The following ST3GAL1 variants were observed in gnomAD, a reference collection of about 807,000 sequenced individuals.
ST3GAL1 encodes CMP-N-acetylneuraminate-beta-galactosamide-alpha-2,3-sialyltransferase 1.
In ST3GAL1, 16 loss-of-function variants were observed where a neutral mutation model predicts 34.1. The ratio of observed to expected loss-of-function variants is 0.47; its 90% confidence interval spans 0.32 to 0.71. ST3GAL1 has a LOEUF of 0.71. Ranked by LOEUF, ST3GAL1 falls within the 30% of genes least tolerant of loss-of-function variation. The probability of loss-of-function intolerance (pLI) is 0.04; values close to 1 mark genes in which losing one functional copy is unlikely to be tolerated. For synonymous variants in ST3GAL1, 191 were observed against 184.7 expected (o/e 1.03, Z -0.28); for missense variants, 353 against 447.4 (o/e 0.79, Z 1.90).
At chr8:133,565,830 T>TGGGCCA (rs141037124) in intron 1 of ST3GAL1, among the ~76,000 whole-genome samples, 2 of 152,176 alleles carry the variant, frequency 1.3e-5, no homozygotes, top group African/African-American at 4.8e-5. Flanking sequence ...CCGGAGCAGA[T>TGGGCCA]GGGCCAGGGC....
chr8:133,509,426 G>C (rs1817441100), intron 2 of ST3GAL1, among the ~76,000 whole-genome samples: 1 of 152,218 alleles, frequency 6.6e-6, no homozygotes, highest in Non-Finnish European at 1.5e-5. Context: ...GTTAGCTATG[G>C]AGCCTCTCTA....
Position 133,551,560 on chromosome 8 carries a change from A to C in ST3GAL1, c.-581-5634T>G, listed in dbSNP as rs566750064. On this transcript the variant is annotated intron_variant, in intron 1 of 9. Transcript: ENST00000522652. ...AGAGAAGGAAAGAAAGAAAGAAAGA[A>C]AGAAAGAAAGAAAGAAAGAAAGAAA... Among the ~76,000 whole-genome samples the C allele has an allele frequency of 2.5e-3, 349 of 139,994 alleles. 2 individuals are homozygous for C. The highest frequency in any genetic ancestry group is 9.3e-3 in the African/African-American group (334 of 36,060). 91.8% of individuals were successfully genotyped at this position (139,994 alleles called of 152,430 possible).
chr8:133,483,447 A>C (rs771544945), intron 3 of ST3GAL1, among the ~76,000 whole-genome samples: 1 of 152,184 alleles, frequency 6.6e-6, no homozygotes, highest in Non-Finnish European at 1.5e-5. Flanking sequence ...GATGACCACA[A>C]AGGTCAATTC....
chr8:133,567,957 G>A (rs937653167), intron 1 of ST3GAL1, among the ~76,000 whole-genome samples: 1 of 146,860 alleles, frequency 6.8e-6, no homozygotes, highest in Non-Finnish European at 1.5e-5. Flanking sequence ...GTCTCACTCT[G>A]TCGCCGAGAC....
chr8:133,461,282 G>A lies in ST3GAL1; in HGVS notation c.849+593C>T, dbSNP rs540108262. ...ACCCAACATCAGGGAGGAAGTGGGG[G>A]CTGTGTGGCCTGCCCTCCTGCCCCT... On this transcript the variant is annotated intron_variant, in intron 9 of 9. Transcript: ENST00000522652. This position sits in a 1 kb window ranked among gnomAD's most constrained non-coding sequence, Gnocchi z 4.7. Among the ~76,000 whole-genome samples, 22 of 152,320 alleles carry A rather than the reference G, an allele frequency of 1.4e-4. No individual in the cohort carries two copies. The South Asian group carries it at 3.7e-3, about 26-fold the overall frequency.
chr8:133,561,009 C>T (rs1397083667), intron 1 of ST3GAL1, among the ~76,000 whole-genome samples: 1 of 151,924 alleles, frequency 6.6e-6, no homozygotes, highest in Non-Finnish European at 1.5e-5. Context: ...GACAGCCTGT[C>T]ACGTAGAGTG....
intron 1 of ST3GAL1, among the ~76,000 whole-genome samples, chr8:133,546,309 C>T (rs1196961803): frequency 6.6e-6 from 1 of 151,938 alleles, no homozygotes; most frequent in African/African-American, 2.4e-5. Context: ...GTGGTGAAAC[C>T]CCATCTGTAC....
At chr8:133,533,509 T>C (rs1273238131) in intron 2 of ST3GAL1, among the ~76,000 whole-genome samples, 3 of 152,200 alleles carry the variant, frequency 2.0e-5, no homozygotes, top group Admixed American at 2.0e-4. Flanking sequence ...AGCGAGTTCC[T>C]CTGTCTGAAC....
chr8:133,499,872 C>T lies in ST3GAL1; in HGVS notation c.-428-683G>A, dbSNP rs76943067. Among the ~76,000 whole-genome samples the T allele has an allele frequency of 6.8e-3, 1,039 of 152,268 alleles. 17 individuals are homozygous for T. Among genetic ancestry groups the T allele is most frequent in the African/African-American group, 0.023 (975 of 41,542 alleles). The stretch of plus-strand genomic sequence containing the variant: ...ACCCCCATCCCCAGGGAAGCGTGTG[C>T]ACTCGCAACAGGGCTGGGGGCAGGT... On this transcript the variant is annotated intron_variant, in intron 2 of 9. Coordinates refer to ENST00000522652, the MANE Select transcript of ST3GAL1 (RefSeq NM_173344.3).
intron 2 of ST3GAL1, among the ~76,000 whole-genome samples, chr8:133,501,568 G>C (rs1355537314): frequency 2.0e-5 from 3 of 152,110 alleles, no homozygotes; most frequent in African/African-American, 7.2e-5. Flanking sequence ...GGCCAACATG[G>C]TGAAACCCTG....
chr8:133,461,819 G>T lies in ST3GAL1; in HGVS notation c.849+56C>A. On this transcript the variant is annotated intron_variant, in intron 9 of 9. Transcript: ENST00000522652. This position sits in a 1 kb window ranked among gnomAD's most constrained non-coding sequence, Gnocchi z 4.7. ...CCTCCCCCTCCCTGGCCTCTCTTGG[G>T]AACACAGGACGGTGAGCTTCGAGGC... 1 of 1,607,894 alleles carries T rather than the reference G, an allele frequency of 6.2e-7. No individual in the cohort carries two copies.
chr8:133,522,242 A>G (rs1029822353), intron 2 of ST3GAL1, among the ~76,000 whole-genome samples: 1 of 152,226 alleles, frequency 6.6e-6, no homozygotes, highest in African/African-American at 2.4e-5. Context: ...AGGAAAGTTC[A>G]GAGGATGTGG....
At chr8:133,569,720 G>A (rs1335191372) in intron 1 of ST3GAL1, among the ~76,000 whole-genome samples, 1 of 152,172 alleles carries the variant, frequency 6.6e-6, no homozygotes, top group South Asian at 2.1e-4. Flanking sequence ...AGGCACTGAG[G>A]GACCCCCGCA....
At chr8:133,496,152 G>C (rs115839772) in intron 3 of ST3GAL1, among the ~76,000 whole-genome samples, 1,671 of 152,306 alleles carry the variant, frequency 0.011, 30 homozygotes, top group African/African-American at 0.038. Flanking sequence ...TTTCTTAAGA[G>C]AACCCTTCAG....
chr8:133,465,131 T>G (rs1381679352), intron 6 of ST3GAL1, among the ~76,000 whole-genome samples, 174 bp from the exon 7 acceptor site: 1 of 152,168 alleles, frequency 6.6e-6, no homozygotes, highest in Non-Finnish European at 1.5e-5. Context: ...GCTGGAAGGC[T>G]TCTGCTATTT....
intron 1 of ST3GAL1, among the ~76,000 whole-genome samples, chr8:133,552,827 C>T (rs1350222225): frequency 6.6e-6 from 1 of 152,180 alleles, no homozygotes; most frequent in Non-Finnish European, 1.5e-5. Flanking sequence ...ACAATAGCAA[C>T]CATAGGTTAA....
chr8:133,551,360 G>C (rs146561465), intron 1 of ST3GAL1, among the ~76,000 whole-genome samples: 2,206 of 151,886 alleles, frequency 0.015, 30 homozygotes, highest in Middle Eastern at 0.041. Context: ...CCCAGCTACT[G>C]AGGAGGCTGA....
chr8:133,571,193 G>A lies in ST3GAL1; in HGVS notation c.-582+500C>T, dbSNP rs530336842. ...CTCGTCCAGAACACTGGCGGCCTCC[G>A]CGGTGTCCCAGCCTGTGACCCCAAA... On this transcript the variant is annotated intron_variant, in intron 1 of 9. Transcript: ENST00000522652. This position sits in a 1 kb window ranked among gnomAD's most constrained non-coding sequence, Gnocchi z 6.7. Among the ~76,000 whole-genome samples, 1 of 152,286 alleles carries A rather than the reference G, an allele frequency of 6.6e-6. No individual in the cohort carries two copies. The highest frequency in any genetic ancestry group is 1.9e-4 in the East Asian group (1 of 5,158).
chr8:133,475,646 T>C, intron 5 of ST3GAL1, 73 bp downstream of exon 5: 1 of 1,446,750 alleles, frequency 6.9e-7, no homozygotes, highest in Non-Finnish European at 9.1e-7. Context: ...AGATCCCCAC[T>C]CTCAGCCCAG....
Sources: allele counts gnomAD v4.1 joint callset (sites outside exome capture counted in the v4.1 genomes callset), GRCh38; gene constraint gnomAD v4.1.1; non-coding constraint Gnocchi (gnomAD v3.1); transcripts MANE v1.5; gene names NCBI Gene and HGNC (gene_info 2026-07-23, HGNC 2026-07-21).